The following TENT2 variants were observed in gnomAD, a reference collection of about 807,000 sequenced individuals.
TENT2 encodes the protein terminal nucleotidyltransferase 2, also known as poly(A) RNA polymerase GLD2.
In TENT2, 44 loss-of-function variants were observed where a neutral mutation model predicts 72.2. That is an observed-to-expected ratio of 0.61 (90% CI 0.48 to 0.78). The LOEUF is 0.78. Ranked by LOEUF, TENT2 falls within the 30% of genes least tolerant of loss-of-function variation. The pLI is 0.00. For missense variants in TENT2, 541 were observed against 569.6 expected (o/e 0.95, Z 0.51); for synonymous variants, 212 against 192.5 (o/e 1.10, Z -0.84).
intron 12 of TENT2, among the ~76,000 whole-genome samples, chr5:79,675,195 G>T (rs1026211392): frequency 6.6e-6 from 1 of 152,154 alleles, no homozygotes; most frequent in East Asian, 1.9e-4. Context: ...CCAGAGAAAG[G>T]TATAGTAAAT....
At chr5:79,652,999 C>T (rs950314980) in intron 10 of TENT2, among the ~76,000 whole-genome samples, 9 of 151,760 alleles carry the variant, frequency 5.9e-5, no homozygotes, top group African/African-American at 2.2e-4. Context: ...CCACCATTCC[C>T]TATTTATATT....
intron 4 of TENT2, among the ~76,000 whole-genome samples, chr5:79,636,924 T>C (rs1780582201): frequency 6.6e-6 from 1 of 152,214 alleles, no homozygotes; most frequent in East Asian, 1.9e-4. Context: ...GAATTATCTT[T>C]TTAGAAAATT....
chr5:79,640,948 T>C lies in TENT2; in HGVS notation c.563T>C (p.Ile188Thr), dbSNP rs765682008. ...TGTCGAACACAGCTGCAGAGAGAAA[T>C]TCAGCTGTTATTTCCACGTATGTTT... The part of the protein sequence containing the change: ...ELCRTQLQRE[I>T]QLLFPQSRLF... Residue 188 changes from isoleucine (I) to threonine (T), a missense_variant, in exon 5 of 15, where the codon ATT becomes ACT. Coordinates refer to ENST00000453514, the MANE Select transcript of TENT2 (RefSeq NM_001114394.3). The C allele has an allele frequency of 1.2e-6, 2 of 1,607,350 alleles. No individual in the cohort carries two copies. Among genetic ancestry groups the C allele is most frequent in the African/African-American group, 2.7e-5 (2 of 74,454 alleles).
intron 12 of TENT2, among the ~76,000 whole-genome samples, chr5:79,670,910 CT>C (rs938013374): frequency 5.9e-5 from 9 of 151,436 alleles, no homozygotes; most frequent in African/African-American, 2.2e-4. Flanking sequence ...TTGGGATTCA[CT>C]TTCAAGCTGG....
intron 7 of TENT2, among the ~76,000 whole-genome samples, chr5:79,643,227 A>G (rs1056617091): frequency 6.6e-6 from 1 of 152,164 alleles, no homozygotes; most frequent in Non-Finnish European, 1.5e-5. Context: ...AATAGTTGTA[A>G]TACAGAGTAT....
intron 12 of TENT2, among the ~76,000 whole-genome samples, chr5:79,669,524 C>T (rs1811237745): frequency 6.6e-6 from 1 of 151,774 alleles, no homozygotes; most frequent in Non-Finnish European, 1.5e-5. Flanking sequence ...AAACATAAAA[C>T]AAAGAATGTA....
chr5:79,679,497 A>G (rs1820062668), intron 12 of TENT2, 82 bp from the exon 13 acceptor site: 1 of 864,018 alleles, frequency 1.2e-6, no homozygotes, highest in East Asian at 3.0e-5. Context: ...AAATTGGGGT[A>G]GGCCTTAGTA....
At chr5:79,677,602 G>T (rs1352152085) in intron 12 of TENT2, among the ~76,000 whole-genome samples, 2 of 152,112 alleles carry the variant, frequency 1.3e-5, no homozygotes, top group African/African-American at 4.8e-5. Flanking sequence ...CCTATAATCT[G>T]TTATTAGAAA....
intron 7 of TENT2, among the ~76,000 whole-genome samples, chr5:79,643,361 T>C (rs1785974184): frequency 6.6e-6 from 1 of 152,234 alleles, no homozygotes; most frequent in East Asian, 1.9e-4. Context: ...CCTAAATGTA[T>C]TACTTCAACA....
At chr5:79,664,695 C>T (rs886809606) in intron 11 of TENT2, among the ~76,000 whole-genome samples, 2 of 150,620 alleles carry the variant, frequency 1.3e-5, no homozygotes, top group Non-Finnish European at 2.9e-5. Flanking sequence ...ATTTTGAAAA[C>T]GTAGAAAAAT....
At chr5:79,684,225 T>A (rs1824762932) in intron 14 of TENT2, among the ~76,000 whole-genome samples, 2 of 152,206 alleles carry the variant, frequency 1.3e-5, no homozygotes, top group African/African-American at 4.8e-5. Context: ...AAATCACCAT[T>A]TGAATTTTCC....
Position 79,640,910 on chromosome 5 carries a change from G to T in TENT2, c.525G>T (p.Lys175Asn). ...ETCQQQISDL[K>N]KKELCRTQLQ... ...GTCAGCAGCAAATAAGTGATTTAAA[G>T]AAGAAAGAACTCTGTCGAACACAGC... Residue 175 changes from lysine to asparagine, a missense_variant, in exon 5 of 15, where the codon AAG (lysine) becomes AAT (asparagine). Lys to Asn is a moderately conservative substitution (Grantham distance 94, BLOSUM62 0). Transcript: ENST00000453514. 1 of 1,612,396 alleles carries T rather than the reference G, an allele frequency of 6.2e-7. No individual in the cohort carries two copies. Among genetic ancestry groups the T allele is most frequent in the Non-Finnish European group, 8.5e-7 (1 of 1,179,380 alleles).
intron 10 of TENT2, among the ~76,000 whole-genome samples, chr5:79,650,491 A>G (rs1792964400): frequency 6.6e-6 from 1 of 152,062 alleles, no homozygotes; most frequent in Non-Finnish European, 1.5e-5. Context: ...AATAATAATT[A>G]TTACAGTGTA....
intron 11 of TENT2, among the ~76,000 whole-genome samples, chr5:79,667,898 C>T (rs781431619): frequency 6.6e-6 from 1 of 150,436 alleles, no homozygotes; most frequent in Non-Finnish European, 1.5e-5. Flanking sequence ...GGAATCTTAA[C>T]CGTAGTTGTC....
intron 14 of TENT2, among the ~76,000 whole-genome samples, chr5:79,684,919 G>A (rs1433438882): frequency 2.0e-5 from 3 of 152,180 alleles, no homozygotes; most frequent in Admixed American, 6.5e-5. Context: ...ATAGCTGAGC[G>A]TGATGGCATA....
chr5:79,619,850 T>G (rs1763329851), intron 2 of TENT2, 65 bp downstream of exon 2: 1 of 1,541,148 alleles, frequency 6.5e-7, no homozygotes, highest in Non-Finnish European at 8.8e-7. Context: ...ACATAAACCC[T>G]TTTTGTATGA....
intron 3 of TENT2, among the ~76,000 whole-genome samples, chr5:79,621,683 A>G (rs1764935552): frequency 6.6e-6 from 1 of 150,528 alleles, no homozygotes; most frequent in Non-Finnish European, 1.5e-5. Context: ...GCATGAACCC[A>G]GGAGGTGGAG....
intron 11 of TENT2, among the ~76,000 whole-genome samples, chr5:79,661,256 A>G (rs924792484): frequency 2.0e-5 from 3 of 152,182 alleles, no homozygotes; most frequent in Admixed American, 6.5e-5. Context: ...AGGCCTTCAC[A>G]TTCACTCACT....
intron 10 of TENT2, among the ~76,000 whole-genome samples, chr5:79,651,146 A>G (rs980850241): frequency 2.0e-5 from 3 of 151,922 alleles, no homozygotes; most frequent in Non-Finnish European, 4.4e-5. Context: ...TATTGTTAAT[A>G]TTTGTTTTAT....
Sources: allele counts gnomAD v4.1 joint callset (sites outside exome capture counted in the v4.1 genomes callset), GRCh38; gene constraint gnomAD v4.1.1; transcripts MANE v1.5; gene names NCBI Gene and HGNC (gene_info 2026-07-23, HGNC 2026-07-21).